Variants in RHOT1 observed in about 807,000 individuals in gnomAD.
RHOT1 encodes the protein ras homolog family member T1, also known as mitochondrial Rho GTPase 1.
RHOT1 carries 27 observed loss-of-function variants against 95.3 expected under a neutral mutation model. The observed-to-expected ratio is 0.28, with a 90% CI of 0.21 to 0.39. The LOEUF (loss-of-function observed/expected upper bound fraction) is 0.39, where lower values mean the gene tolerates loss of function less well. RHOT1 is among the 10% of genes least tolerant of loss of function. RHOT1 has a pLI of 1.00. For missense variants in RHOT1, 578 were observed against 786.7 expected (o/e 0.73, Z 3.17); for synonymous variants, 227 against 263.5 (o/e 0.86, Z 1.34).
intron 6 of RHOT1, among the ~76,000 whole-genome samples, chr17:32,181,834 T>C (rs375529156): frequency 6.6e-6 from 1 of 152,262 alleles, no homozygotes; most frequent in Non-Finnish European, 1.5e-5. Flanking sequence ...TAAGTCCTTA[T>C]GTGTCTGACC....
Position 32,206,995 on chromosome 17 carries a change from C to T in RHOT1, c.1502C>T (p.Pro501Leu). The T allele has an allele frequency of 6.2e-6, 10 of 1,612,596 alleles. No homozygotes were observed. Among genetic ancestry groups the T allele is most frequent in the Non-Finnish European group, 8.5e-6 (10 of 1,179,390 alleles). Reference protein sequence around the residue: ...VVCLVYDVSNPKSFEYCARIF... With the variant: ...VVCLVYDVSNLKSFEYCARIF... ...TGCCTGGTATATGATGTCAGCAATC[C>T]CAAATCCTTTGAATACTGTGCCAGG... The change falls in exon 17 of 20, where the codon CCC becomes CTC. Residue 501 changes from proline (P) to leucine (L), a missense_variant. Physicochemically the swap from Pro to Leu is moderately conservative, Grantham distance 98. Transcript: ENST00000545287.
intron 1 of RHOT1, among the ~76,000 whole-genome samples, chr17:32,149,625 A>ATG (rs1454201227): frequency 1.0e-4 from 9 of 88,342 alleles, no homozygotes; most frequent in African/African-American, 3.1e-4. Context: ...ATATATATAT[A>ATG]TATATATATA....
intron 1 of RHOT1, among the ~76,000 whole-genome samples, chr17:32,159,141 CGTG>C (rs1206429397): frequency 6.6e-5 from 10 of 152,166 alleles, no homozygotes; most frequent in Admixed American, 6.5e-4. Flanking sequence ...AGCTGGGACT[CGTG>C]GGGCCAGCCT....
At chr17:32,181,220 C>G (rs1461999509) in intron 6 of RHOT1, among the ~76,000 whole-genome samples, 1 of 152,202 alleles carries the variant, frequency 6.6e-6, no homozygotes, top group Admixed American at 6.5e-5. Context: ...TCCTTAATAT[C>G]CCCATTAAGA....
intron 19 of RHOT1, among the ~76,000 whole-genome samples, chr17:32,216,140 G>A (rs2038460004): frequency 6.6e-6 from 1 of 152,030 alleles, no homozygotes; most frequent in Non-Finnish European, 1.5e-5. Context: ...ACTCTGACTT[G>A]AGAACACTCC....
chr17:32,208,000 A>G (rs2037873416), intron 17 of RHOT1, 107 bp from the exon 18 acceptor site: 6 of 961,440 alleles, frequency 6.2e-6, no homozygotes, highest in African/African-American at 1.6e-5. Context: ...TTTCGCTTTG[A>G]AACTACTGTT....
intron 19 of RHOT1, among the ~76,000 whole-genome samples, chr17:32,221,364 C>G (rs2038824394): frequency 7.3e-6 from 1 of 136,064 alleles, no homozygotes; most frequent in African/African-American, 2.8e-5. Flanking sequence ...GAGATTTCGT[C>G]TGTCTCAAAA....
At chr17:32,145,758 T>C (rs1243585234) in intron 1 of RHOT1, among the ~76,000 whole-genome samples, 1 of 152,132 alleles carries the variant, frequency 6.6e-6, no homozygotes. Flanking sequence ...CTCATGCCTA[T>C]TATCTCAGCA....
intron 1 of RHOT1, chr17:32,150,295 T>G: frequency 4.0e-6 from 1 of 248,298 alleles, no homozygotes; most frequent in Non-Finnish European, 7.6e-6. Context: ...TGTGCTATTT[T>G]TTTTCCATAA....
chr17:32,181,322 ATTC>A (rs1317114459), intron 6 of RHOT1, among the ~76,000 whole-genome samples: 3 of 150,450 alleles, frequency 2.0e-5, no homozygotes, highest in Non-Finnish European at 3.0e-5. Context: ...ACAAAAAATC[ATTC>A]TTAATCTTCT....
At chr17:32,206,716 G>A (rs1236203820) in intron 16 of RHOT1, among the ~76,000 whole-genome samples, 194 bp from the exon 17 acceptor site, 1 of 152,050 alleles carries the variant, frequency 6.6e-6, no homozygotes, top group East Asian at 1.9e-4. Context: ...GCCTCCCAAA[G>A]TGCTGGGATT....
rs71362807 is a variant in RHOT1, at chr17:32,189,736, C to CTTTTTT, written c.541-2452_541-2447dup. Among the ~76,000 whole-genome samples the CTTTTTT allele has an allele frequency of 3.3e-3, 413 of 124,248 alleles. 2 individuals carry two copies. The highest frequency in any genetic ancestry group is 6.2e-3 in the African/African-American group (198 of 31,726). The allele number at this position is 124,248 out of a possible 152,430, so 81.5% of individuals were successfully genotyped here. A position where few individuals can be genotyped will look rare whatever the true frequency, so the allele number is the denominator to read the frequency against. ...ACAACAATATCTTTTCTTTTCTTTTCTTTTTTTTTTTTTTTTTTGAGATGG... is the reference window on the plus strand; with the variant it reads ...ACAACAATATCTTTTCTTTTCTTTTCTTTTTTTTTTTTTTTTTTTTTTTTGAGATGG... On this transcript the variant is annotated intron_variant, in intron 8 of 19. Coordinates refer to ENST00000545287, the MANE Select transcript of RHOT1 (RefSeq NM_001033566.3).
intron 19 of RHOT1, among the ~76,000 whole-genome samples, chr17:32,215,113 C>T (rs1040196205): frequency 5.3e-5 from 8 of 151,774 alleles, no homozygotes; most frequent in East Asian, 3.9e-4. Flanking sequence ...AAACTGGTCT[C>T]GAACTCCTGA....
rs753149796 is a variant in RHOT1 at position 32,183,218 on chromosome 17, A to C, written c.486A>C (p.Ala162=). Residue 162 remains alanine, a synonymous_variant, in exon 8 of 20, where the codon GCA becomes GCC. Coordinates refer to ENST00000545287, the MANE Select transcript of RHOT1 (RefSeq NM_001033566.3). ...ACATATCAGAGCTCTTTTATTACGC[A>C]CAGAAAGCTGTTCTTCATCCTACAG... ...LKNISELFYY[A]QKAVLHPTGP... 6.4e-7 allele frequency: 1 copy of C among 1,559,054 alleles called. No individual in the cohort carries two copies. Among genetic ancestry groups the C allele is most frequent in the Admixed American group, 1.9e-5 (1 of 52,778 alleles).
At chr17:32,205,163 C>T (rs2037621298) in intron 16 of RHOT1, among the ~76,000 whole-genome samples, 1 of 151,954 alleles carries the variant, frequency 6.6e-6, no homozygotes, top group African/African-American at 2.4e-5. Context: ...GCTCTCCCTC[C>T]CCTTGCCCCT....
intron 3 of RHOT1, 104 bp from the exon 4 acceptor site, chr17:32,175,215 T>C: frequency 1.0e-6 from 1 of 956,740 alleles, no homozygotes; most frequent in Non-Finnish European, 1.7e-6. Flanking sequence ...CTACACCATG[T>C]CATTTTGAGG....
chr17:32,149,092 T>C (rs2031822128), intron 1 of RHOT1, among the ~76,000 whole-genome samples: 1 of 152,202 alleles, frequency 6.6e-6, no homozygotes, highest in Admixed American at 6.5e-5. Flanking sequence ...TACTTCAATA[T>C]TTCTCAGGCA....
At chr17:32,218,992 A>G (rs576065705) in intron 19 of RHOT1, among the ~76,000 whole-genome samples, 12 of 152,302 alleles carry the variant, frequency 7.9e-5, no homozygotes, top group African/African-American at 2.6e-4. Context: ...GTATTATCTT[A>G]AAAATCTATA....
chr17:32,207,119 C>T, intron 17 of RHOT1, 90 bp downstream of exon 17: 1 of 1,210,558 alleles, frequency 8.3e-7, no homozygotes, highest in South Asian at 1.6e-5. Flanking sequence ...CACAAAAATG[C>T]AACAAAATCA....
Sources: gnomAD v4.1 joint callset for allele counts (sites outside exome capture counted in the v4.1 genomes callset) on GRCh38, gnomAD v4.1.1 for gene constraint, MANE v1.5 for transcripts, NCBI Gene and HGNC (gene_info 2026-07-23, HGNC 2026-07-21) for gene names.